Variants in SHB observed in about 807,000 individuals in gnomAD.
SHB encodes the protein SH2 domain-containing adapter protein B.
Under a neutral mutation model 52.3 loss-of-function variants are expected in SHB, and 20 were observed. The ratio of observed to expected loss-of-function variants is 0.38; its 90% CI spans 0.27 to 0.56. SHB has a LOEUF of 0.56. Ranked by LOEUF, SHB falls within the 20% of genes least tolerant of loss-of-function variation. SHB has a pLI of 0.71. For synonymous variants in SHB, 397 were observed against 316.5 expected, an observed-to-expected ratio of 1.25 and a Z score of -2.70; for missense variants, 825 against 723.3, an observed-to-expected ratio of 1.14 and a Z score of -1.61.
intron 5 of SHB, among the ~76,000 whole-genome samples, chr9:37,925,900 G>A (rs940989891): frequency 6.6e-6 from 1 of 152,182 alleles, no homozygotes; most frequent in Non-Finnish European, 1.5e-5. Flanking sequence ...GGTGAGGGAG[G>A]TGTCGCAGGT....
At chr9:37,994,586 TG>T (rs1820924776) in intron 2 of SHB, among the ~76,000 whole-genome samples, 1 of 152,070 alleles carries the variant, frequency 6.6e-6, no homozygotes, top group Admixed American at 6.6e-5. Flanking sequence ...TGTTGTGGAG[TG>T]GGGAGAATAT....
chr9:37,980,826 TC>T (rs1820715528), intron 2 of SHB, among the ~76,000 whole-genome samples: 1 of 152,198 alleles, frequency 6.6e-6, no homozygotes. Context: ...TCCTCGTACA[TC>T]CCCAGCTGAG....
At chr9:38,060,197 T>C (rs1342628573) in intron 1 of SHB, among the ~76,000 whole-genome samples, 5 of 152,080 alleles carry the variant, frequency 3.3e-5, no homozygotes, top group African/African-American at 1.2e-4. Flanking sequence ...TTTTTTGAGA[T>C]AGTGTCTCGC....
At chr9:38,014,303 G>A (rs900546922) in intron 2 of SHB, among the ~76,000 whole-genome samples, 8 of 152,248 alleles carry the variant, frequency 5.3e-5, no homozygotes, top group Non-Finnish European at 1.0e-4. Flanking sequence ...AACGCCTGCT[G>A]AATGCAAGAC....
intron 1 of SHB, among the ~76,000 whole-genome samples, chr9:38,063,531 C>T (rs1199672302): frequency 6.6e-6 from 1 of 152,242 alleles, no homozygotes; most frequent in Non-Finnish European, 1.5e-5. Flanking sequence ...CAGCCTTCTA[C>T]ACTCAGCTCA....
At chr9:37,967,919 G>A (rs1042539379) in intron 3 of SHB, among the ~76,000 whole-genome samples, 6 of 152,326 alleles carry the variant, frequency 3.9e-5, no homozygotes, top group East Asian at 1.9e-4. Context: ...CCCAATCCTC[G>A]GGAGGGACTG....
chr9:37,934,469 A>ATT lies in SHB; in HGVS notation c.1346+14164_1346+14165dup, dbSNP rs113806134. On this transcript the variant is annotated intron_variant, in intron 5 of 5. Coordinates refer to ENST00000377707, the MANE Select transcript of SHB (RefSeq NM_003028.3). The stretch of plus-strand genomic sequence containing the variant: ...GTGAGCCACCATGCCCAGCTAATTA[A>ATT]TTTTTTTTTTTTGTAGAGACCTCGT... 8.6e-3 allele frequency among the ~76,000 whole-genome samples: 1,254 copies of ATT among 146,526 alleles called. 17 individuals carry two copies. The highest frequency in any genetic ancestry group is 0.03 in the African/African-American group (1,192 of 40,096).
At chr9:37,941,176 C>G (rs1434782874) in intron 5 of SHB, among the ~76,000 whole-genome samples, 2 of 152,182 alleles carry the variant, frequency 1.3e-5, no homozygotes, top group Non-Finnish European at 2.9e-5. Context: ...ATGGAGACTT[C>G]CAGGTTGAAC....
chr9:38,052,747 T>C (rs1219702281), intron 1 of SHB, among the ~76,000 whole-genome samples: 1 of 152,180 alleles, frequency 6.6e-6, no homozygotes, highest in African/African-American at 2.4e-5. Context: ...CTACCTTTCT[T>C]TACCCACAGA....
intron 2 of SHB, among the ~76,000 whole-genome samples, chr9:38,006,721 G>T (rs1266456357): frequency 6.6e-6 from 1 of 152,194 alleles, no homozygotes; most frequent in East Asian, 1.9e-4. Context: ...CAATCTGTTT[G>T]TTGGGCCCTC....
chr9:38,011,150 G>T (rs893953338), intron 2 of SHB, among the ~76,000 whole-genome samples: 2 of 152,122 alleles, frequency 1.3e-5, no homozygotes, highest in South Asian at 4.1e-4. Context: ...ATGCATCCGG[G>T]GACCTTAAGC....
chr9:38,059,458 G>C lies in SHB; in HGVS notation c.717+8471C>G, dbSNP rs542090986. On this transcript the variant is annotated intron_variant, in intron 1 of 5. Coordinates refer to ENST00000377707, the MANE Select transcript of SHB (RefSeq NM_003028.3). ...CCCTTGGAGAAACTGGAAAGGAACT[G>C]AATGATTTAGAGGAAAATTCAGTTC... 2.8e-4 allele frequency among the ~76,000 whole-genome samples: 42 copies of C among 152,312 alleles called. 2 individuals carry two copies. The South Asian group carries it at 6.6e-3, about 24-fold the overall frequency.
intron 2 of SHB, among the ~76,000 whole-genome samples, chr9:38,012,727 C>T (rs547990877): frequency 1.3e-5 from 2 of 151,456 alleles, no homozygotes; most frequent in South Asian, 2.1e-4. Flanking sequence ...TGTACAGGTA[C>T]GCCACCTGCG....
At chr9:37,939,296 C>T (rs1564083286) in intron 5 of SHB, among the ~76,000 whole-genome samples, 1 of 152,216 alleles carries the variant, frequency 6.6e-6, no homozygotes, top group Non-Finnish European at 1.5e-5. Flanking sequence ...TGAGAAGGGT[C>T]AGGAAAGAAC....
chr9:37,950,253 T>C (rs770558764), intron 4 of SHB, among the ~76,000 whole-genome samples: 15 of 151,970 alleles, frequency 9.9e-5, no homozygotes, highest in Non-Finnish European at 1.9e-4. Flanking sequence ...TCCTTGTGTG[T>C]GTGTGTTTCC....
intron 3 of SHB, among the ~76,000 whole-genome samples, chr9:37,972,014 C>T (rs896531650): frequency 3.3e-5 from 5 of 152,138 alleles, no homozygotes; most frequent in African/African-American, 9.7e-5. Flanking sequence ...CTAACCAGCA[C>T]TGGGTGAGGC....
chr9:38,023,355 G>A (rs146490194), intron 1 of SHB, among the ~76,000 whole-genome samples: 7 of 152,172 alleles, frequency 4.6e-5, no homozygotes, highest in African/African-American at 1.7e-4. Flanking sequence ...CATAAACGTT[G>A]TAAGGAGCAA....
intron 1 of SHB, among the ~76,000 whole-genome samples, chr9:38,063,337 C>G (rs1240564875): frequency 6.6e-6 from 1 of 152,216 alleles, no homozygotes; most frequent in Non-Finnish European, 1.5e-5. Context: ...ATTCACAACT[C>G]CGCAGCAAGG....
intron 1 of SHB, among the ~76,000 whole-genome samples, chr9:38,058,031 G>A (rs1013934377): frequency 4.6e-5 from 7 of 152,370 alleles, no homozygotes; most frequent in African/African-American, 1.2e-4. Flanking sequence ...CTAGTGGCAG[G>A]CAGGGCCTGG....
Sources: allele counts gnomAD v4.1 joint callset (sites outside exome capture counted in the v4.1 genomes callset), GRCh38; gene constraint gnomAD v4.1.1; transcripts MANE v1.5; gene names NCBI Gene and HGNC (gene_info 2026-07-23, HGNC 2026-07-21).